Variants in NUP210L observed in about 807,000 individuals in gnomAD.
NUP210L encodes the protein nucleoporin 210 like.
A neutral mutation model predicts 208.5 loss-of-function variants in NUP210L; 74 were observed. The ratio of observed to expected loss-of-function variants is 0.35; its 90% CI spans 0.29 to 0.43. The LOEUF is 0.43. Ranked by LOEUF, NUP210L falls within the 20% of genes least tolerant of loss-of-function variation. The probability of loss-of-function intolerance (pLI) is 1.00; values close to 1 mark genes in which losing one functional copy is unlikely to be tolerated. For missense variants in NUP210L, 1,843 were observed against 2,289.4 expected (o/e 0.81, Z 3.98); for synonymous variants, 780 against 816.9 (o/e 0.95, Z 0.77).
intron 2 of NUP210L, among the ~76,000 whole-genome samples, chr1:154,143,952 T>A (rs1279112852): frequency 6.6e-6 from 1 of 152,026 alleles, no homozygotes; most frequent in East Asian, 1.9e-4. Flanking sequence ...GAGGCTGAGG[T>A]GGGCAGATCA....
chr1:154,079,916 A>G (rs1447772365), intron 16 of NUP210L: 2 of 152,348 alleles, frequency 1.3e-5, no homozygotes, highest in Non-Finnish European at 2.9e-5. Flanking sequence ...TTATAAAGAA[A>G]GCTCACAGGC....
exon 12 of NUP210L, chr1:154,117,861 T>C (rs370525419): frequency 1.9e-6 from 3 of 1,611,940 alleles, no homozygotes; most frequent in African/African-American, 2.7e-5. Context: ...CCAGGTAAAG[T>C]TGCCACTGCC....
rs76340746 is a variant in NUP210L at position 154,136,053 on chromosome 1, T to G, written c.851-81A>C. ...TGATGTATTCTTGATCATAAAGGAA[T>G]GATCAGGAAGCAGACATAAAATAAG... is the stretch of plus-strand genomic sequence containing the variant. On this transcript the variant is annotated intron_variant, in intron 6 of 39. Transcript: ENST00000368559. 5.9e-3 allele frequency: 5,682 copies of G among 965,024 alleles called. 150 individuals are homozygous for G. The East Asian group carries it at 0.07, about 12-fold the overall frequency. 59.8% of individuals were successfully genotyped at this position (965,024 alleles called of 1,614,324 possible). A position where few individuals can be genotyped will look rare whatever the true frequency, so the allele number is the denominator to read the frequency against.
At chr1:154,003,308 C>T (rs553528883) in intron 35 of NUP210L, among the ~76,000 whole-genome samples, 5 of 151,740 alleles carry the variant, frequency 3.3e-5, no homozygotes, top group Admixed American at 1.3e-4. Flanking sequence ...CCCAGGTTCA[C>T]GCCATTCTCC....
chr1:154,126,371 T>G (rs1243097842), exon 10 of NUP210L: 6 of 1,613,564 alleles, frequency 3.7e-6, no homozygotes. Context: ...CAACACCATC[T>G]TTCAGGGCTT....
chr1:154,008,708 A>C (rs1650718181), intron 35 of NUP210L, among the ~76,000 whole-genome samples: 1 of 151,194 alleles, frequency 6.6e-6, no homozygotes, highest in African/African-American at 2.4e-5. Flanking sequence ...TCTGTCTCAA[A>C]AACAAAACAA....
intron 2 of NUP210L, among the ~76,000 whole-genome samples, chr1:154,152,071 C>T (rs910565662): frequency 3.7e-5 from 2 of 54,492 alleles, no homozygotes; most frequent in Non-Finnish European, 7.0e-5. Context: ...GCCTGGGCAA[C>T]AAAAGCGAAA....
At chr1:154,031,626 A>G (rs1652227112) in intron 27 of NUP210L, among the ~76,000 whole-genome samples, 1 of 151,436 alleles carries the variant, frequency 6.6e-6, no homozygotes, top group African/African-American at 2.4e-5. Context: ...AAGTGAGAAC[A>G]TGCGAAGTTT....
At chr1:154,069,589 C>T (rs1203922682) in intron 17 of NUP210L, among the ~76,000 whole-genome samples, 1 of 152,120 alleles carries the variant, frequency 6.6e-6, no homozygotes, top group Non-Finnish European at 1.5e-5. Context: ...AACGCTTTTA[C>T]TAAACTGTTG....
At chr1:154,001,505 C>CT (rs1044053314) in intron 36 of NUP210L, among the ~76,000 whole-genome samples, 4 of 152,002 alleles carry the variant, frequency 2.6e-5, no homozygotes, top group Non-Finnish European at 4.4e-5. Context: ...CAATCATTTA[C>CT]TTTTTTTACT....
chr1:153,999,400 T>C (rs778355238), intron 37 of NUP210L, among the ~76,000 whole-genome samples: 3 of 152,212 alleles, frequency 2.0e-5, no homozygotes, highest in Non-Finnish European at 4.4e-5. Flanking sequence ...GCCCATTGCC[T>C]GATGCAAAAA....
chr1:154,131,269 C>T lies in NUP210L; in HGVS notation c.1010-1924G>A, dbSNP rs549689548. Among the ~76,000 whole-genome samples, 3 of 113,346 alleles carry T rather than the reference C, an allele frequency of 2.6e-5. No individual in the cohort carries two copies. The South Asian group carries it at 8.1e-4, about 30-fold the overall frequency. The allele number at this position is 113,346 out of a possible 152,430, so 74.4% of individuals were successfully genotyped here. On this transcript the variant is annotated intron_variant, in intron 7 of 39. Transcript: ENST00000368559. ...CCCGGGCAACAGAGCGAGACTCCAT[C>T]TCAAAAAAAAAAAAAAGAAAAGAAA...
At chr1:154,010,240 ATGG>A (rs1650829936) in intron 34 of NUP210L, 119 bp from the exon 35 acceptor site, 2 of 903,572 alleles carry the variant, frequency 2.2e-6, no homozygotes, top group African/African-American at 3.3e-5. Context: ...AGGGTCAGTT[ATGG>A]CTGGTTTGCC....
At chr1:154,130,564 C>T (rs1008434486) in intron 7 of NUP210L, among the ~76,000 whole-genome samples, 10 of 148,688 alleles carry the variant, frequency 6.7e-5, no homozygotes, top group South Asian at 2.1e-4. Flanking sequence ...TGAGCCACTG[C>T]GCCTGGCCCC....
At chr1:154,008,102 C>A (rs1247804782) in intron 35 of NUP210L, among the ~76,000 whole-genome samples, 1 of 150,198 alleles carries the variant, frequency 6.7e-6, no homozygotes, top group Non-Finnish European at 1.5e-5. Flanking sequence ...AAACTCCTGA[C>A]CTCAAGTGAT....
intron 35 of NUP210L, among the ~76,000 whole-genome samples, chr1:154,007,603 C>T (rs138358228): frequency 0.012 from 1,818 of 151,446 alleles, 37 homozygotes; most frequent in African/African-American, 0.042. Flanking sequence ...AACAGAGTCT[C>T]ACTCTGTTGC....
intron 10 of NUP210L, among the ~76,000 whole-genome samples, chr1:154,125,649 G>T (rs544506265): frequency 0.057 from 116 of 2,044 alleles, 3 homozygotes; most frequent in African/African-American, 0.1. Context: ...AAGGAAGGAA[G>T]GAAGGAAGGA....
intron 25 of NUP210L, among the ~76,000 whole-genome samples, chr1:154,048,231 A>G (rs1653294780): frequency 6.6e-6 from 1 of 152,022 alleles, no homozygotes; most frequent in Non-Finnish European, 1.5e-5. Flanking sequence ...TTTCCAGAGG[A>G]CACTGGGCAA....
Position 153,995,199 on chromosome 1 carries a change from A to G in NUP210L, c.5387-19T>C, listed in dbSNP as rs779897279. The stretch of plus-strand genomic sequence containing the variant: ...CAGTGATCTATACATTGGCCATAAC[A>G]AAACAAGATAATAGTTAATAGCAAC... On this transcript the variant is annotated intron_variant, in intron 37 of 39. Transcript: ENST00000368559. The G allele has an allele frequency of 2.0e-6, 3 of 1,530,706 alleles. No homozygotes were observed. The Admixed American group carries it at 5.3e-5, about 27-fold the overall frequency. 94.8% of individuals were successfully genotyped at this position (1,530,706 alleles called of 1,614,324 possible).
Sources: allele counts gnomAD v4.1 joint callset (sites outside exome capture counted in the v4.1 genomes callset), GRCh38; gene constraint gnomAD v4.1.1; transcripts MANE v1.5; gene names NCBI Gene and HGNC (gene_info 2026-07-23, HGNC 2026-07-21).